Variants in MTMR8 observed in about 807,000 individuals in gnomAD.
The protein encoded by MTMR8 is myotubularin related protein 8.
Under a neutral mutation model 39.3 loss-of-function variants are expected in MTMR8, and 65 were observed. The ratio of observed to expected loss-of-function variants is 1.65; its 90% CI spans 1.35 to 2.03. The LOEUF is 2.03. MTMR8 is among the 30% of genes most tolerant of loss of function. MTMR8 has a pLI of 0.00. For missense variants in MTMR8, 777 were observed against 538.9 expected (o/e 1.44, Z -4.37); for synonymous variants, 245 against 185.2 (o/e 1.32, Z -2.62).
At chrX:64,330,684 G>A (rs1922916411) in intron 11 of MTMR8, among the ~76,000 whole-genome samples, 1 of 111,664 alleles carries the variant, frequency 9.0e-6, no homozygotes, top group Non-Finnish European at 1.9e-5. Context: ...CTAGAACTAG[G>A]CAGATAACAT....
At chrX:64,394,350 G>T (rs1924767965) in intron 1 of MTMR8, among the ~76,000 whole-genome samples, 1 of 111,810 alleles carries the variant, frequency 8.9e-6, no homozygotes, top group African/African-American at 3.3e-5. Flanking sequence ...GCTCAGAGAG[G>T]TTAAATAATT....
intron 12 of MTMR8, among the ~76,000 whole-genome samples, chrX:64,289,839 A>G (rs759504432): frequency 9.0e-6 from 1 of 110,748 alleles, no homozygotes; most frequent in African/African-American, 3.3e-5. Context: ...ATTGTGACAC[A>G]TGCTACAATA....
chrX:64,320,650 A>C (rs1922612646), intron 12 of MTMR8, among the ~76,000 whole-genome samples: 1 of 110,082 alleles, frequency 9.1e-6, no homozygotes, highest in South Asian at 3.9e-4. Context: ...TGGGAAGGAA[A>C]AGGCTGGGGA....
chrX:64,371,514 C>T (rs1025033841), intron 1 of MTMR8, among the ~76,000 whole-genome samples: 2 of 110,983 alleles, frequency 1.8e-5, no homozygotes, highest in African/African-American at 6.5e-5. Context: ...TAAGTATAAA[C>T]CAGTATCCTT....
intron 1 of MTMR8, among the ~76,000 whole-genome samples, chrX:64,361,620 A>T (rs1923782130): frequency 1.8e-5 from 2 of 111,633 alleles, no homozygotes; most frequent in Admixed American, 9.5e-5. Context: ...AGTATTTAAT[A>T]TAGCTTAATT....
Position 64,271,003 on chromosome X carries a change from G to T in MTMR8, c.1552C>A (p.Leu518Met), listed in dbSNP as rs746951718. ...ATTGCTCTCTGTTTCTTAATTTCCA[G>T]GAGGCTCTCTAGCATACTCTGCTTG... ...QPKQSMLESL[L>M]EIKKQRAMLE... The change falls in exon 13 of 14, where the codon CTG becomes ATG. Residue 518 changes from leucine to methionine, a missense_variant. Coordinates refer to ENST00000374852, the MANE Select transcript of MTMR8 (RefSeq NM_017677.4). 3 of 1,207,925 alleles carry T rather than the reference G, an allele frequency of 2.5e-6. No individual in the cohort carries two copies. The African/African-American group carries it at 5.3e-5, about 21-fold the overall frequency.
intron 12 of MTMR8, among the ~76,000 whole-genome samples, chrX:64,320,904 A>T (rs181780418): frequency 8.9e-6 from 1 of 112,105 alleles, no homozygotes; most frequent in East Asian, 2.8e-4. Context: ...TAGGAGAACT[A>T]TTGTTATTTT....
chrX:64,308,839 C>A (rs1922209268), intron 12 of MTMR8, among the ~76,000 whole-genome samples: 1 of 111,373 alleles, frequency 9.0e-6, no homozygotes, highest in South Asian at 3.8e-4. Flanking sequence ...GTTGTTCTGG[C>A]ACCATTGGTT....
At position 64,354,907 on chromosome X, in the gene MTMR8, G is replaced by T; in HGVS notation, c.338C>A (p.Ser113Tyr). 8.3e-7 allele frequency: 1 copy of T among 1,199,775 alleles called. No individual in the cohort carries two copies. The highest frequency in any genetic ancestry group is 1.8e-5 in the South Asian group (1 of 54,405). Residue 113 changes from serine to tyrosine, a missense_variant, in exon 4 of 14, where the codon TCT becomes TAT. Physicochemically the swap from Ser to Tyr is moderately radical, Grantham distance 144. Coordinates refer to ENST00000374852, the MANE Select transcript of MTMR8 (RefSeq NM_017677.4). ...CTCTTTTGAGGATTTGGGATTATAAGAAAAAGCATAAAGATCTTCAGGTAA... is the reference window on the plus strand; with the variant it reads ...CTCTTTTGAGGATTTGGGATTATAATAAAAAGCATAAAGATCTTCAGGTAA... ...PALPEDLYAF[S>Y]YNPKSSKEMR...
intron 12 of MTMR8, among the ~76,000 whole-genome samples, chrX:64,277,649 C>T (rs1194584658): frequency 2.7e-5 from 3 of 111,312 alleles, no homozygotes; most frequent in Non-Finnish European, 5.7e-5. Flanking sequence ...GTAACCCAAC[C>T]TTTCTCTCCC....
chrX:64,295,382 A>AG (rs1399377960), intron 12 of MTMR8, among the ~76,000 whole-genome samples: 1 of 111,647 alleles, frequency 9.0e-6, no homozygotes, highest in Non-Finnish European at 1.9e-5. Flanking sequence ...AAGAGAACAT[A>AG]GGGGGAAATC....
intron 1 of MTMR8, among the ~76,000 whole-genome samples, chrX:64,394,863 T>G (rs2147252199): frequency 9.0e-6 from 1 of 111,360 alleles, no homozygotes; most frequent in East Asian, 2.9e-4. Context: ...GGAGCGAGAG[T>G]GGGGTTCTGG....
intron 12 of MTMR8, among the ~76,000 whole-genome samples, chrX:64,289,277 T>A (rs1007768419): frequency 1.5e-4 from 17 of 110,000 alleles, no homozygotes; most frequent in Non-Finnish European, 2.8e-4. Context: ...GAATAACAAG[T>A]TTTGGTGAGG....
intron 12 of MTMR8, among the ~76,000 whole-genome samples, chrX:64,301,704 G>T (rs1371983580): frequency 9.0e-6 from 1 of 110,939 alleles, no homozygotes; most frequent in Admixed American, 9.6e-5. Context: ...CCATCTTTGC[G>T]GTTTTATCTA....
intron 4 of MTMR8, among the ~76,000 whole-genome samples, chrX:64,354,572 C>T (rs949036678): frequency 8.9e-6 from 1 of 112,056 alleles, no homozygotes; most frequent in African/African-American, 3.2e-5. Context: ...GCTCCCATAA[C>T]ACCCTATGCT....
chrX:64,354,684 G>A (rs1923575022), intron 4 of MTMR8, 93 bp downstream of exon 4: 5 of 870,708 alleles, frequency 5.7e-6, no homozygotes, highest in Non-Finnish European at 8.0e-6. Context: ...GAGAGATTAT[G>A]AGTCATTTCT....
chrX:64,280,981 C>G (rs1195733534), intron 12 of MTMR8, among the ~76,000 whole-genome samples: 1 of 110,834 alleles, frequency 9.0e-6, no homozygotes, highest in Non-Finnish European at 1.9e-5. Context: ...CCTAGGAATA[C>G]AGCTAACAAG....
chrX:64,297,052 T>C (rs1173732641), intron 12 of MTMR8, among the ~76,000 whole-genome samples: 1 of 96,489 alleles, frequency 1.0e-5, no homozygotes, highest in Non-Finnish European at 2.1e-5. Context: ...CGTGTGCATG[T>C]GTCTTTATAG....
intron 12 of MTMR8, among the ~76,000 whole-genome samples, chrX:64,301,959 C>A (rs964552693): frequency 1.8e-5 from 2 of 112,085 alleles, no homozygotes; most frequent in Non-Finnish European, 3.8e-5. Flanking sequence ...AGACCCACTG[C>A]TCTCTTCAAA....
Sources: allele counts gnomAD v4.1 joint callset (sites outside exome capture counted in the v4.1 genomes callset), GRCh38; gene constraint gnomAD v4.1.1; transcripts MANE v1.5; gene names NCBI Gene and HGNC (gene_info 2026-07-23, HGNC 2026-07-21).